TULP4: variants seen among roughly 807,000 people sequenced by gnomAD.
TULP4 encodes TUB like protein 4, also known as tubby-related protein 4.
TULP4 carries 16 observed loss-of-function variants against 129.0 expected under a neutral mutation model. That is an observed-to-expected ratio of 0.12 (90% CI 0.08 to 0.19). The LOEUF (loss-of-function observed/expected upper bound fraction) is 0.19. Among genes scored for constraint, TULP4 ranks in the 10% least tolerant of loss-of-function variants. TULP4 has a pLI of 1.00. For missense variants in TULP4, 1,842 were observed against 2,059.1 expected, an observed-to-expected ratio of 0.89 and a Z score of 2.04; for synonymous variants, 998 against 854.0, an observed-to-expected ratio of 1.17 and a Z score of -2.94.
At chr6:158,271,474 C>T (rs1353782732) in intron 1 of TULP4, among the ~76,000 whole-genome samples, 1 of 151,310 alleles carries the variant, frequency 6.6e-6, no homozygotes, top group Non-Finnish European at 1.5e-5. Flanking sequence ...TGCTCTGCCA[C>T]CCAGGCTGGA....
chr6:158,309,548 G>C (rs1779298122), upstream of TULP4, among the ~76,000 whole-genome samples: 1 of 152,036 alleles, frequency 6.6e-6, no homozygotes, highest in South Asian at 2.1e-4. Flanking sequence ...GCGGCTGGGA[G>C]ATGGAGGTTG....
At chr6:158,504,209 C>T in intron 13 of TULP4, 31 bp downstream of exon 13, 3 of 1,487,730 alleles carry the variant, frequency 2.0e-6, no homozygotes, top group Non-Finnish European at 2.7e-6. Flanking sequence ...GCGCTGCGAG[C>T]CCAGGAGGCG....
intron 1 of TULP4, among the ~76,000 whole-genome samples, chr6:158,255,295 GTTCT>G (rs1476900729): frequency 2.6e-5 from 4 of 152,112 alleles, no homozygotes; most frequent in Admixed American, 2.0e-4. Flanking sequence ...CATATCTAAT[GTTCT>G]TTCTTCCCTT....
chr6:158,350,145 C>T (rs957770667), intron 1 of TULP4, among the ~76,000 whole-genome samples: 10 of 146,904 alleles, frequency 6.8e-5, no homozygotes, highest in African/African-American at 7.6e-5. Flanking sequence ...CGAGCAGAGG[C>T]GCTCCTCACT....
intron 6 of TULP4, among the ~76,000 whole-genome samples, chr6:158,464,489 C>T (rs1402223372): frequency 2.0e-5 from 3 of 152,124 alleles, no homozygotes; most frequent in Non-Finnish European, 4.4e-5. Flanking sequence ...CGCTGCAACA[C>T]CCCCCGCCGC....
At chr6:158,234,209 G>T (rs1777646902) in intron 1 of TULP4, among the ~76,000 whole-genome samples, 1 of 152,148 alleles carries the variant, frequency 6.6e-6, no homozygotes, top group Admixed American at 6.6e-5. Context: ...TGGCAGTTTG[G>T]TTATTCACAG....
intron 10 of TULP4, among the ~76,000 whole-genome samples, 163 bp from the exon 11 acceptor site, chr6:158,494,590 G>A (rs918394218): frequency 1.3e-5 from 2 of 152,100 alleles, no homozygotes; most frequent in Non-Finnish European, 2.9e-5. Context: ...GGCTGCCCTC[G>A]TTAGCTTCTG....
In TULP4 at chr6:158,246,098, T is replaced by C. The variant is rs1204636875; in HGVS notation, n.68+13795T>C. Among the ~76,000 whole-genome samples the C allele has an allele frequency of 5.3e-5, 8 of 151,046 alleles. No individual in the cohort carries two copies. In the East Asian group the frequency reaches 1.4e-3, roughly 26 times the overall value. On this transcript the variant is annotated intron_variant and non_coding_transcript_variant, in intron 1 of 1. Transcript: ENST00000620026. ...AATTGAGATTTCTATAAAGACCATATAGAATGGGGACGGACTCACAAGGAG... is the reference window on the plus strand; with the variant it reads ...AATTGAGATTTCTATAAAGACCATACAGAATGGGGACGGACTCACAAGGAG...
intron 1 of TULP4, among the ~76,000 whole-genome samples, chr6:158,246,023 G>GGGTGT (rs113914160): frequency 6.3e-4 from 92 of 145,918 alleles, no homozygotes; most frequent in South Asian, 4.5e-4. Context: ...ACCCCTTAGG[G>GGGTGT]GTGTGTGTGT....
intron 1 of TULP4, among the ~76,000 whole-genome samples, chr6:158,371,490 T>C (rs1355608940): frequency 1.3e-5 from 2 of 152,332 alleles, no homozygotes; most frequent in African/African-American, 4.8e-5. Context: ...TATTTGATCA[T>C]TAAATGACGT....
At chr6:158,401,712 A>G (rs827966) in intron 1 of TULP4, among the ~76,000 whole-genome samples, 46,585 of 151,944 alleles carry the variant, frequency 0.31, 7,698 homozygotes, top group East Asian at 0.65. Flanking sequence ...GCATCTGAGC[A>G]CTGGCTCTGC....
At chr6:158,335,370 A>G (rs1240813272) in intron 1 of TULP4, among the ~76,000 whole-genome samples, 1 of 152,032 alleles carries the variant, frequency 6.6e-6, no homozygotes, top group Non-Finnish European at 1.5e-5. Flanking sequence ...ATACTTAATT[A>G]CTTAATGTGG....
intron 2 of TULP4, among the ~76,000 whole-genome samples, chr6:158,414,839 A>G (rs1239234534): frequency 6.6e-6 from 1 of 152,182 alleles, no homozygotes; most frequent in Non-Finnish European, 1.5e-5. Context: ...TTCATGCGTT[A>G]TATCTTTCAG....
intron 3 of TULP4, among the ~76,000 whole-genome samples, chr6:158,443,322 G>C (rs1011660956): frequency 2.0e-5 from 3 of 152,004 alleles, no homozygotes; most frequent in African/African-American, 7.2e-5. Flanking sequence ...TCACCATGTT[G>C]ACCGGGCTGG....
At chr6:158,311,992 C>T (rs1891353), upstream of TULP4, 350,696 of 396,454 alleles carry the variant, frequency 0.88, 155,633 homozygotes, top group Admixed American at 0.92. Flanking sequence ...TTCTTAAAAC[C>T]TTTATTTTCC....
In TULP4 at chr6:158,348,925, G is replaced by A. The variant is rs528235469; in HGVS notation, c.252+34657G>A. Reference sequence around the variant, plus strand: ...CCCAGACGAAGGGCGGCCGGGCAGAGGCACTCCTCACCTCCCAGATGAAGG... The same window carrying A: ...CCCAGACGAAGGGCGGCCGGGCAGAAGCACTCCTCACCTCCCAGATGAAGG... On this transcript the variant is annotated intron_variant, in intron 1 of 13. Transcript: ENST00000367097. Among the ~76,000 whole-genome samples the A allele has an allele frequency of 1.1e-4, 15 of 135,868 alleles. No individual in the cohort carries two copies. In the South Asian group the frequency reaches 3.8e-3, roughly 34 times the overall value. 89.1% of individuals were successfully genotyped at this position (135,868 alleles called of 152,430 possible).
chr6:158,430,255 A>G lies in TULP4; in HGVS notation c.543+358A>G, dbSNP rs113751011. Among the ~76,000 whole-genome samples the G allele has an allele frequency of 5.6e-4, 86 of 152,326 alleles. 2 individuals carry two copies. The highest frequency in any genetic ancestry group is 1.9e-3 in the African/African-American group (80 of 41,582). ...AATGGGATGTTTGGTATATTGCTAC[A>G]TCGTAAGACAACAAAGAAGCCCATC... On this transcript the variant is annotated intron_variant, in intron 3 of 13. Transcript: ENST00000367097.
At chr6:158,340,373 T>C (rs1780152663) in intron 1 of TULP4, among the ~76,000 whole-genome samples, 1 of 152,202 alleles carries the variant, frequency 6.6e-6, no homozygotes, top group South Asian at 2.1e-4. Flanking sequence ...TTATGTTTGT[T>C]CCTGAGTGTG....
chr6:158,349,735 C>T (rs1467503455), intron 1 of TULP4, among the ~76,000 whole-genome samples: 1 of 137,318 alleles, frequency 7.3e-6, no homozygotes, highest in African/African-American at 2.8e-5. Flanking sequence ...CAGAGGTGCT[C>T]CTCAATTCCC....
Sources: gnomAD v4.1 joint callset for allele counts (sites outside exome capture counted in the v4.1 genomes callset) on GRCh38, gnomAD v4.1.1 for gene constraint, MANE v1.5 for transcripts, NCBI Gene and HGNC (gene_info 2026-07-23, HGNC 2026-07-21) for gene names.